COL6A2: variants seen among roughly 807,000 people sequenced by gnomAD.
COL6A2 encodes collagen alpha-2(VI) chain.
Under a neutral mutation model 124.9 loss-of-function variants are expected in COL6A2, and 90 were observed. The observed-to-expected ratio is 0.72, with a 90% CI of 0.61 to 0.86. The LOEUF (loss-of-function observed/expected upper bound fraction) is 0.86, where lower values mean the gene tolerates loss of function less well. Ranked by LOEUF, COL6A2 falls within the 40% of genes least tolerant of loss-of-function variation. The pLI is 0.00. For synonymous variants in COL6A2, 793 were observed against 618.2 expected (o/e 1.28, Z -4.19); for missense variants, 1,607 against 1,502.5 (o/e 1.07, Z -1.15).
intron 12 of COL6A2, 87 bp from the exon 13 acceptor site, chr21:46,118,527 G>A (rs1202954293): frequency 2.9e-5 from 38 of 1,326,400 alleles, no homozygotes; most frequent in Middle Eastern, 1.8e-4. Flanking sequence ...TCCCAAGCCC[G>A]ACCGTGGGTC....
chr21:46,100,362 T>C (rs2078276592), intron 1 of COL6A2, among the ~76,000 whole-genome samples: 1 of 152,186 alleles, frequency 6.6e-6, no homozygotes, highest in Admixed American at 6.5e-5. Flanking sequence ...TCTTTTTTTA[T>C]TGATTTGAAA....
At chr21:46,115,417 G>A (rs899940932) in intron 5 of COL6A2, among the ~76,000 whole-genome samples, 34 of 152,196 alleles carry the variant, frequency 2.2e-4, no homozygotes, top group African/African-American at 8.0e-4. Flanking sequence ...TGTATCATAG[G>A]TTAAAATTTT....
intron 21 of COL6A2, among the ~76,000 whole-genome samples, chr21:46,123,667 GAGT>G (rs2078603872): frequency 6.8e-6 from 1 of 147,850 alleles, no homozygotes; most frequent in East Asian, 2.0e-4. Flanking sequence ...ATGGGTGAAT[GAGT>G]AGATGTATGG....
rs2078476404 is a variant in COL6A2 at position 46,116,722 on chromosome 21, G to A, written c.954+45G>A. 1 of 1,612,862 alleles carries A rather than the reference G, an allele frequency of 6.2e-7. No homozygotes were observed. On this transcript the variant is annotated intron_variant, in intron 9 of 27. Transcript: ENST00000300527. The surrounding 1 kb of genome is among the most constrained non-coding windows in gnomAD (Gnocchi z 4.6). ...AGAGCCCCTCCTTCCTGCTGCTCAGGGCAGAAGGACCGGGGCTAATGGAGT... is the reference window on the plus strand; with the variant it reads ...AGAGCCCCTCCTTCCTGCTGCTCAGAGCAGAAGGACCGGGGCTAATGGAGT...
rs2078582964 is a variant in COL6A2 at position 46,122,530 on chromosome 21, A to C, written c.1607A>C (p.Glu536Ala). The part of the protein sequence containing the change: ...EKGEPGPRGP[E>A]GGRGDFGLKG... ...GGCGAGCCCGGCCCACGCGGCCCCG[A>C]GGTATGTGTGGGTCCTGGCCACCTG... The change falls in exon 20 of 28, where the codon GAG becomes GCG. Residue 536 changes from glutamate to alanine, a missense_variant and splice_region_variant. Glu to Ala is a moderately radical substitution (Grantham distance 107). Transcript: ENST00000300527. The C allele has an allele frequency of 6.2e-7, 1 of 1,612,468 alleles. No homozygotes were observed. Among genetic ancestry groups the C allele is most frequent in the South Asian group, 1.1e-5 (1 of 91,068 alleles).
intron 1 of COL6A2, among the ~76,000 whole-genome samples, chr21:46,099,988 G>T (rs2078272268): frequency 6.7e-6 from 1 of 148,374 alleles, no homozygotes; most frequent in African/African-American, 2.5e-5. Flanking sequence ...GCAGTACAAG[G>T]CTATTTGGGC....
At chr21:46,129,513 G>A (rs746682557) in intron 27 of COL6A2, 69 of 1,535,096 alleles carry the variant, frequency 4.5e-5, no homozygotes, top group African/African-American at 5.5e-5. Context: ...CCGCCCAGCC[G>A]GGCTGGGCCC....
At chr21:46,126,315 C>T (rs2078667029) in intron 26 of COL6A2, 78 bp downstream of exon 26, 2 of 1,551,048 alleles carry the variant, frequency 1.3e-6, no homozygotes, top group Admixed American at 3.3e-5. Flanking sequence ...CCAGGGACAC[C>T]CCTCACCTGA....
intron 1 of COL6A2, among the ~76,000 whole-genome samples, chr21:46,104,829 C>G (rs746190591): frequency 3.3e-5 from 5 of 152,198 alleles, no homozygotes. Context: ...AAACTATTAG[C>G]AGATTTCTGA....
Position 46,112,248 on chromosome 21 carries a change from C to A in COL6A2, c.385C>A (p.Arg129Ser). ...GAACCTGCAGGGCATCAGCTCCTTC[C>A]GCCGCGGCACCTTCACCGACTGCGC... is the stretch of plus-strand genomic sequence containing the variant. ...IKNLQGISSF[R>S]RGTFTDCALA... Residue 129 changes from arginine (R) to serine (S), a missense_variant, in exon 3 of 28, where the codon CGC becomes AGC. By Grantham distance (110) the Arg-to-Ser change is moderately radical. Around this residue, in one of 3 missense-constraint regions of COL6A2, gnomAD observed 342 missense variants for 381.5 expected, o/e 0.90. Transcript: ENST00000300527. 1.2e-6 allele frequency: 2 copies of A among 1,612,850 alleles called. No individual in the cohort carries two copies. Among genetic ancestry groups the A allele is most frequent in the Non-Finnish European group, 8.5e-7 (1 of 1,179,996 alleles).
intron 27 of COL6A2, among the ~76,000 whole-genome samples, chr21:46,127,962 T>C (rs1297413380): frequency 6.6e-6 from 1 of 152,176 alleles, no homozygotes; most frequent in Non-Finnish European, 1.5e-5. Flanking sequence ...TGTGTGGCCC[T>C]GTTTATGCAC....
Position 46,115,939 on chromosome 21 carries a change from C to G in COL6A2, c.855+14C>G. 6.2e-7 allele frequency: 1 copy of G among 1,612,662 alleles called. No homozygotes were observed. Among genetic ancestry groups the G allele is most frequent in the Non-Finnish European group, 8.5e-7 (1 of 1,179,904 alleles). ...AAGGGAAGACAGGTGAGTGTCCTTG[C>G]CCCACGCCCGCCCCGCCTGCAGCCC... On this transcript the variant is annotated intron_variant, in intron 6 of 27. Transcript: ENST00000300527.
intron 19 of COL6A2, 39 bp downstream of exon 19, chr21:46,122,197 T>C: frequency 6.2e-7 from 1 of 1,607,640 alleles, no homozygotes; most frequent in Non-Finnish European, 8.5e-7. Flanking sequence ...CAGGAGTGGG[T>C]GGACATTGTC....
chr21:46,125,871 A>G lies in COL6A2; in HGVS notation c.2056A>G (p.Ser686Gly). 6.2e-7 allele frequency: 1 copy of G among 1,612,930 alleles called. No homozygotes were observed. The highest frequency in any genetic ancestry group is 8.5e-7 in the Non-Finnish European group (1 of 1,179,964). Reference protein sequence around the residue: ...LDDERIDSLSSFKEAVKNLEW... With the variant: ...LDDERIDSLSGFKEAVKNLEW... ...CGACGAACGTATCGACTCCCTGTCG[A>G]GCTTCAAGGAGGCTGTCAAGAACCT... The change falls in exon 26 of 28, where the codon AGC becomes GGC. Residue 686 changes from serine to glycine, a missense_variant. By Grantham distance (56) the Ser-to-Gly change is moderately conservative. Transcript: ENST00000300527.
chr21:46,121,644 G>A lies in COL6A2; in HGVS notation c.1521+26G>A, dbSNP rs771168222. The A allele has an allele frequency of 2.0e-5, 33 of 1,611,096 alleles. No individual in the cohort carries two copies. The Middle Eastern group carries it at 6.6e-4, about 32-fold the overall frequency. Reference sequence around the variant, plus strand: ...GTACGTGCCCCTCCCCCAGCAGGACGTATTAGGGGTTCGGGGCAGCTGCCT... The same window carrying A: ...GTACGTGCCCCTCCCCCAGCAGGACATATTAGGGGTTCGGGGCAGCTGCCT... On this transcript the variant is annotated intron_variant, in intron 18 of 27. Transcript: ENST00000300527.
chr21:46,131,489 G>C (rs939330470), intron 27 of COL6A2, among the ~76,000 whole-genome samples: 2 of 152,240 alleles, frequency 1.3e-5, no homozygotes, highest in Non-Finnish European at 2.9e-5. Context: ...GGCCCAGCCA[G>C]CTCTAGGTGT....
chr21:46,128,774 G>T lies in COL6A2; in HGVS notation c.2461+2233G>T, dbSNP rs540146977. The T allele has an allele frequency of 9.8e-6, 8 of 816,900 alleles. No homozygotes were observed. The South Asian group carries it at 1.1e-4, about 11-fold the overall frequency. 50.6% of individuals were successfully genotyped at this position (816,900 alleles called of 1,614,324 possible). A position where few individuals can be genotyped will look rare whatever the true frequency, so the allele number is the denominator to read the frequency against. On this transcript the variant is annotated intron_variant, in intron 27 of 27. Transcript: ENST00000300527. ...CTGGGTGTAGAGGACTCACATCCCA[G>T]AGAGGCTGAGGAAGGGTTTACCACC...
At position 46,112,915 on chromosome 21, in the gene COL6A2, G is replaced by A. The variant is rs1036409656; in HGVS notation, c.735+91G>A. 7 of 1,547,758 alleles carry A rather than the reference G, an allele frequency of 4.5e-6. No individual in the cohort carries two copies. In the Middle Eastern group the frequency reaches 5.0e-4, roughly 111 times the overall value. Reference sequence around the variant, plus strand: ...GGCTGCCGACTCCTGGCGCCTCCAGGCTGGAACAGATGAGAGGAGAGGGAG... The same window carrying A: ...GGCTGCCGACTCCTGGCGCCTCCAGACTGGAACAGATGAGAGGAGAGGGAG... On this transcript the variant is annotated intron_variant, in intron 4 of 27. Coordinates refer to ENST00000300527, the MANE Select transcript of COL6A2 (RefSeq NM_001849.4).
Position 46,124,911 on chromosome 21 carries a change from C to G in COL6A2, c.1761C>G (p.Pro587=). 1 of 1,612,914 alleles carries G rather than the reference C, an allele frequency of 6.2e-7. No individual in the cohort carries two copies. The highest frequency in any genetic ancestry group is 8.5e-7 in the Non-Finnish European group (1 of 1,180,012). The stretch of plus-strand genomic sequence containing the variant: ...GTGAGCCCGGCCCCCCTGGAGACCC[C>G]GGTCTCACGGTAGGTGTCACATGGG... ...PEGEPGPPGD[P]GLTECDVMTY... is the part of the protein sequence containing the mutation. Residue 587 remains proline (P), a synonymous_variant, in exon 23 of 28, where the codon CCC becomes CCG. Transcript: ENST00000300527.
Sources: allele counts gnomAD v4.1 joint callset (sites outside exome capture counted in the v4.1 genomes callset), GRCh38; gene constraint gnomAD v4.1.1; regional missense constraint gnomAD v4.1.1; non-coding constraint Gnocchi (gnomAD v3.1); transcripts MANE v1.5; gene names NCBI Gene and HGNC (gene_info 2026-07-23, HGNC 2026-07-21).